The following COL6A3 variants were observed in gnomAD, a reference collection of about 807,000 sequenced individuals.
COL6A3 encodes the protein collagen alpha-3(VI) chain.
A neutral mutation model predicts 274.1 loss-of-function variants in COL6A3; 137 were observed. The observed-to-expected ratio is 0.50, with a 90% CI of 0.44 to 0.58. The LOEUF is 0.58. Ranked by LOEUF, COL6A3 falls within the 20% of genes least tolerant of loss-of-function variation. The pLI, the probability that COL6A3 is intolerant of heterozygous loss-of-function variation, is 0.00. For missense variants in COL6A3, 3,950 were observed against 4,124.9 expected (o/e 0.96, Z 1.16); for synonymous variants, 1,650 against 1,650.6 (o/e 1.00, Z 0.01).
At chr2:237,353,752 G>A (rs188861686) in intron 24 of COL6A3, among the ~76,000 whole-genome samples, 81 of 152,240 alleles carry the variant, frequency 5.3e-4, no homozygotes, top group Admixed American at 1.5e-3. Flanking sequence ...GCGCCCGCCC[G>A]GGACACTACT....
Position 237,413,665 on chromosome 2 carries a change from C to T in COL6A3, c.-31+288G>A, listed in dbSNP as rs560776661. ...CTTAAATAAATCATGGGCCGAAACA[C>T]ACTGCCGCCCGGAATGCACAGGGCG... is the stretch of plus-strand genomic sequence containing the variant. On this transcript the variant is annotated intron_variant, in intron 1 of 43. Transcript: ENST00000295550. This position sits in a 1 kb window ranked among gnomAD's most constrained non-coding sequence, Gnocchi z 4.0. Among the ~76,000 whole-genome samples the T allele has an allele frequency of 2.6e-4, 39 of 152,340 alleles. No individual in the cohort carries two copies. The South Asian group carries it at 7.7e-3, about 30-fold the overall frequency.
At chr2:237,359,621 G>C (rs1441528278) in intron 17 of COL6A3, among the ~76,000 whole-genome samples, 1 of 152,220 alleles carries the variant, frequency 6.6e-6, no homozygotes. Flanking sequence ...GGCCGGCGGG[G>C]GTGGACCCCA....
rs375909800 is a variant in COL6A3, at chr2:237,372,063, G to A, written c.3954C>T (p.Tyr1318=). The A allele has an allele frequency of 2.0e-4, 328 of 1,614,026 alleles. No homozygotes were observed. Among genetic ancestry groups the A allele is most frequent in the Admixed American group, 9.0e-4 (54 of 60,024 alleles). Residue 1318 remains tyrosine (Y), a synonymous_variant, in exon 9 of 44, where the codon TAC becomes TAT. Coordinates refer to ENST00000295550, the MANE Select transcript of COL6A3 (RefSeq NM_004369.4). ...RQINVGNALE[Y]VSRNIFKRPL... is the part of the protein sequence containing the mutation. ...GCCTCTTGAAGATGTTCCTGGACAC[G>A]TACTCCAGGGCATTGCCCACGTTGA... is the stretch of plus-strand genomic sequence containing the variant.
chr2:237,341,067 C>A lies in COL6A3; in HGVS notation c.7849G>T (p.Asp2617Tyr). The A allele has an allele frequency of 6.2e-7, 1 of 1,614,166 alleles. No homozygotes were observed. ...RDRRAAGSDV[D>Y]IDMAFILDSA... ...TCTAAGATGAAAGCCATGTCGATGT[C>A]CACATCGCTCCCTGCCGCTCTCCTG... is the stretch of plus-strand genomic sequence containing the variant. The change falls in exon 38 of 44, where the codon GAC becomes TAC. Residue 2617 changes from aspartate to tyrosine, a missense_variant. Asp to Tyr is a radical substitution (Grantham distance 160). This residue lies in a region of COL6A3 where 1,284 missense variants were observed against 1,349.7 expected (regional missense o/e 0.95). Transcript: ENST00000295550.
At chr2:237,388,736 T>A (rs1185594765) in intron 3 of COL6A3, among the ~76,000 whole-genome samples, 2 of 152,256 alleles carry the variant, frequency 1.3e-5, no homozygotes, top group Non-Finnish European at 1.5e-5. Context: ...CAGAAACTAT[T>A]GTTTCTTCTC....
rs535142787 is a variant in COL6A3, at chr2:237,381,198, C to T, written c.1614G>A (p.Thr538=). 2.5e-5 allele frequency: 40 copies of T among 1,614,246 alleles called. No individual in the cohort carries two copies. The highest frequency in any genetic ancestry group is 2.3e-4 in the South Asian group (21 of 91,086). The change falls in exon 5 of 44, where the codon ACG becomes ACA. Residue 538 remains threonine, a synonymous_variant. Coordinates refer to ENST00000295550, the MANE Select transcript of COL6A3 (RefSeq NM_004369.4). ...CGGCAGCCCGGTAGCCGGCTGAACT[C>T]GTGAATAGGTTGTTACGAACAAAGT... ...ALDFVRNNLF[T]SSAGYRAAEG...
At chr2:237,379,854 C>A (rs1371618100) in intron 5 of COL6A3, among the ~76,000 whole-genome samples, 1 of 152,202 alleles carries the variant, frequency 6.6e-6, no homozygotes, top group Non-Finnish European at 1.5e-5. Flanking sequence ...CAGGGGAATT[C>A]CCCCAAAGTG....
intron 27 of COL6A3, among the ~76,000 whole-genome samples, chr2:237,350,412 C>G (rs2077181078): frequency 6.6e-6 from 1 of 152,140 alleles, no homozygotes; most frequent in Non-Finnish European, 1.5e-5. Flanking sequence ...GTCCTTTTCA[C>G]CAGCGTGGCA....
intron 3 of COL6A3, among the ~76,000 whole-genome samples, chr2:237,391,303 G>T (rs1025020408): frequency 1.3e-5 from 2 of 152,208 alleles, no homozygotes; most frequent in African/African-American, 4.8e-5. Context: ...AGAAGACAGA[G>T]ATGCTTTCTT....
intron 29 of COL6A3, 72 bp downstream of exon 29, chr2:237,348,536 AAACAC>A (rs2077142275): frequency 6.1e-6 from 9 of 1,477,072 alleles, no homozygotes; most frequent in Non-Finnish European, 7.5e-6. Context: ...AATTCTTTTA[AAACAC>A]AACACATCAG....
At position 237,351,159 on chromosome 2, in the gene COL6A3, G is replaced by A. The variant is rs748966916; in HGVS notation, c.6787C>T (p.Arg2263Ter). The A allele has an allele frequency of 6.8e-6, 11 of 1,614,066 alleles. No homozygotes were observed. Among genetic ancestry groups the A allele is most frequent in the Admixed American group, 1.7e-5 (1 of 60,006 alleles). ...CTTCCCAGTGGACCGGTTCTGCCTCGTTCTCCAGGAGCACCAGCGGCACCT... is the reference window on the plus strand; with the variant it reads ...CTTCCCAGTGGACCGGTTCTGCCTCATTCTCCAGGAGCACCAGCGGCACCT... ...SGGAAGAPGE[R>*]GRTGPLGRKG... The change falls in exon 27 of 44, where the codon CGA (arginine) becomes TGA (stop). Residue 2263 changes from arginine (R) to a stop codon, truncating the protein, a stop_gained. Transcript: ENST00000295550. LOFTEE classifies it high-confidence loss of function.
chr2:237,412,537 C>T (rs1484760457), intron 1 of COL6A3, among the ~76,000 whole-genome samples: 1 of 152,220 alleles, frequency 6.6e-6, no homozygotes, highest in Non-Finnish European at 1.5e-5. Context: ...AACCAGGAAA[C>T]TACTGCATCA....
intron 1 of COL6A3, among the ~76,000 whole-genome samples, chr2:237,408,642 C>T (rs1236094545): frequency 6.6e-6 from 1 of 152,184 alleles, no homozygotes; most frequent in African/African-American, 2.4e-5. Context: ...ATTCCTGATG[C>T]TCTGGGTTCC....
rs2078188275 is a variant in COL6A3, at chr2:237,387,865, C to T, written c.1029G>A (p.Glu343=). The T allele has an allele frequency of 6.2e-7, 1 of 1,614,054 alleles. No individual in the cohort carries two copies. Among genetic ancestry groups the T allele is most frequent in the South Asian group, 1.1e-5 (1 of 91,074 alleles). The change falls in exon 4 of 44, where the codon GAG becomes GAA. Residue 343 remains glutamate (E), a synonymous_variant. Transcript: ENST00000295550. ...HFTRAGGSRV[E]EGVPQVLVLI... is the part of the protein sequence containing the mutation. Reference sequence around the variant, plus strand: ...GGACCAGCACCTGGGGAACCCCTTCCTCCACGCGGCTGCCCCCTGCCCGGG... The same window carrying T: ...GGACCAGCACCTGGGGAACCCCTTCTTCCACGCGGCTGCCCCCTGCCCGGG...
intron 1 of COL6A3, among the ~76,000 whole-genome samples, chr2:237,409,336 T>C (rs942890443): frequency 3.3e-5 from 5 of 152,202 alleles, no homozygotes; most frequent in Non-Finnish European, 4.4e-5. Flanking sequence ...AGGGTACATG[T>C]GCACAACATG....
At chr2:237,341,275 G>T in intron 37 of COL6A3, 125 bp from the exon 38 acceptor site, 2 of 951,046 alleles carry the variant, frequency 2.1e-6, no homozygotes, top group Non-Finnish European at 3.3e-6. Flanking sequence ...GCCGGAAGCG[G>T]TGGCTCACGC....
In COL6A3 at chr2:237,324,842, G is replaced by C. The variant is rs780508651; in HGVS notation, c.9494-28C>G. 5 of 1,611,252 alleles carry C rather than the reference G, an allele frequency of 3.1e-6. No individual in the cohort carries two copies. The Admixed American group carries it at 6.7e-5, about 21-fold the overall frequency. ...GAGCGTCGAGAGAGGGGGTGGGTGG[G>C]GTGAGGTGAGGAGCCGAGAGAAGAG... On this transcript the variant is annotated intron_variant, in intron 43 of 43. Coordinates refer to ENST00000295550, the MANE Select transcript of COL6A3 (RefSeq NM_004369.4).
At chr2:237,362,498 G>A (rs940262673) in intron 14 of COL6A3, among the ~76,000 whole-genome samples, 10 of 152,324 alleles carry the variant, frequency 6.6e-5, no homozygotes, top group South Asian at 2.1e-4. Flanking sequence ...TTCTTCCAAC[G>A]AGCTTCCAAG....
intron 31 of COL6A3, among the ~76,000 whole-genome samples, chr2:237,346,933 C>T (rs2077108662): frequency 6.6e-6 from 1 of 151,252 alleles, no homozygotes; most frequent in East Asian, 1.9e-4. Context: ...TGTTTTAAAG[C>T]TCTTTGGGAT....
Sources: allele counts gnomAD v4.1 joint callset (sites outside exome capture counted in the v4.1 genomes callset), GRCh38; gene constraint gnomAD v4.1.1; regional missense constraint gnomAD v4.1.1; non-coding constraint Gnocchi (gnomAD v3.1); transcripts MANE v1.5; gene names NCBI Gene and HGNC (gene_info 2026-07-23, HGNC 2026-07-21).